Variants in PDE12 observed in about 807,000 individuals in gnomAD.
PDE12 encodes 2',5'-phosphodiesterase 12.
A neutral mutation model predicts 45.4 loss-of-function variants in PDE12; 26 were observed. The ratio of observed to expected loss-of-function variants is 0.57; its 90% CI spans 0.42 to 0.79. PDE12 has a LOEUF of 0.79. Among genes scored for constraint, PDE12 ranks in the 30% least tolerant of loss-of-function variants. The pLI is 0.00. For missense variants in PDE12, 668 were observed against 790.0 expected (o/e 0.85, Z 1.85); for synonymous variants, 283 against 323.9 (o/e 0.87, Z 1.36).
downstream of PDE12, among the ~76,000 whole-genome samples, chr3:57,567,384 C>G (rs1050336438): frequency 1.3e-5 from 2 of 152,058 alleles, no homozygotes; most frequent in Non-Finnish European, 2.9e-5. Flanking sequence ...AGGAAGGAAC[C>G]TAACTCCGCT....
At chr3:57,638,005 AC>A in the PDE12 span, among the ~76,000 whole-genome samples, 3 of 151,630 alleles carry the variant, frequency 2.0e-5, no homozygotes, top group Non-Finnish European at 4.4e-5. Context: ...GTGGTGGCGC[AC>A]ACCTGTAATC....
At chr3:57,607,407 T>C in the PDE12 span, among the ~76,000 whole-genome samples, 5 of 151,680 alleles carry the variant, frequency 3.3e-5, no homozygotes, top group East Asian at 9.6e-4. Context: ...CTTTGATGAG[T>C]TGGGAGAAGA....
chr3:57,632,923 C>G, the PDE12 span, among the ~76,000 whole-genome samples: 2 of 152,188 alleles, frequency 1.3e-5, no homozygotes, highest in Non-Finnish European at 2.9e-5. Context: ...CTACTATAAT[C>G]TTCTTTTAAG....
the PDE12 span, chr3:57,572,162 G>T: frequency 1.4e-6 from 2 of 1,464,964 alleles, no homozygotes; most frequent in Non-Finnish European, 1.9e-6. Context: ...GTTGTAACAA[G>T]CCTAGACCAA....
the PDE12 span, among the ~76,000 whole-genome samples, chr3:57,656,387 A>C: frequency 1.3e-5 from 2 of 152,126 alleles, no homozygotes; most frequent in African/African-American, 4.8e-5. Flanking sequence ...ATAGTATTCC[A>C]TGTGCATTCA....
chr3:57,619,104 C>T, the PDE12 span, among the ~76,000 whole-genome samples: 1 of 152,080 alleles, frequency 6.6e-6, no homozygotes, highest in Non-Finnish European at 1.5e-5. Flanking sequence ...AATCCCAGCA[C>T]TTTGAGAGGC....
downstream of PDE12, among the ~76,000 whole-genome samples, chr3:57,568,088 A>AAAAAAT (rs2069802372): frequency 6.6e-6 from 1 of 150,656 alleles, no homozygotes; most frequent in African/African-American, 2.5e-5. Flanking sequence ...AAAAAAAAAA[A>AAAAAAT]AAAAAGTAAA....
chr3:57,631,078 C>G, the PDE12 span: 1 of 1,016,160 alleles, frequency 9.8e-7, no homozygotes, highest in Non-Finnish European at 1.5e-6. Flanking sequence ...ATCATATGCC[C>G]TTTCAATGGA....
At chr3:57,620,368 T>C in the PDE12 span, among the ~76,000 whole-genome samples, 1 of 151,656 alleles carries the variant, frequency 6.6e-6, no homozygotes, top group East Asian at 1.9e-4. Flanking sequence ...CTCAGCAACA[T>C]GGCAGAATCC....
chr3:57,601,743 C>CTTTT, the PDE12 span, among the ~76,000 whole-genome samples: 34 of 103,730 alleles, frequency 3.3e-4, no homozygotes, highest in Non-Finnish European at 3.9e-4. Context: ...TTCTTTCCTT[C>CTTTT]TTTTTTTTTT....
At chr3:57,575,195 T>C in the PDE12 span, among the ~76,000 whole-genome samples, 1 of 152,006 alleles carries the variant, frequency 6.6e-6, no homozygotes, top group Admixed American at 6.6e-5. Context: ...TACTGGACCC[T>C]TAATAAGAAA....
chr3:57,621,265 A>G, the PDE12 span, among the ~76,000 whole-genome samples: 1 of 152,260 alleles, frequency 6.6e-6, no homozygotes. Flanking sequence ...TGCTGGGACA[A>G]TTGGATATTC....
the PDE12 span, among the ~76,000 whole-genome samples, chr3:57,601,735 C>T: frequency 9.3e-4 from 131 of 141,238 alleles, no homozygotes; most frequent in Non-Finnish European, 1.7e-3. Flanking sequence ...TTCCTTTTTT[C>T]TTTCCTTCTT....
chr3:57,587,266 C>G, the PDE12 span, among the ~76,000 whole-genome samples: 1 of 148,718 alleles, frequency 6.7e-6, no homozygotes, highest in Admixed American at 6.9e-5. Flanking sequence ...TTGCAGTGAG[C>G]CGAGATCGTG....
chr3:57,576,016 TC>T, the PDE12 span, among the ~76,000 whole-genome samples: 1 of 152,208 alleles, frequency 6.6e-6, no homozygotes, highest in South Asian at 2.1e-4. Context: ...TATGGCAGGT[TC>T]TTATGGTACT....
At chr3:57,623,883 A>G in the PDE12 span, among the ~76,000 whole-genome samples, 1 of 152,226 alleles carries the variant, frequency 6.6e-6, no homozygotes. Flanking sequence ...TAATGATGAC[A>G]AGAATGGGGA....
At chr3:57,600,224 T>C in the PDE12 span, 125,973 of 152,082 alleles carry the variant, frequency 0.83, 52,466 homozygotes, top group East Asian at 1. Context: ...AGGGTTTTGC[T>C]ATGTTGCCAA....
At chr3:57,637,104 C>G in the PDE12 span, among the ~76,000 whole-genome samples, 1 of 152,094 alleles carries the variant, frequency 6.6e-6, no homozygotes, top group Non-Finnish European at 1.5e-5. Context: ...GTCTCTGGTC[C>G]AAGAATACTG....
In PDE12 at chr3:57,556,345, C is replaced by T. The variant is rs749572494; in HGVS notation, c.-35C>T. ...CACCTGACAGTAGGCCGCTGATCGG[C>T]CGCGGGTCTTGTCGACCGCTAGGCC... On this transcript the variant is annotated 5_prime_UTR_variant, in exon 1 of 3. Coordinates refer to ENST00000311180, the MANE Select transcript of PDE12 (RefSeq NM_177966.7). This position sits in a 1 kb window ranked among gnomAD's most constrained non-coding sequence, Gnocchi z 5.0. 2 of 1,521,988 alleles carry T rather than the reference C, an allele frequency of 1.3e-6. No individual in the cohort carries two copies. Among genetic ancestry groups the T allele is most frequent in the Non-Finnish European group, 1.8e-6 (2 of 1,133,330 alleles). The allele number at this position is 1,521,988 out of a possible 1,614,324, so 94.3% of individuals were successfully genotyped here.
Sources: gnomAD v4.1 joint callset for allele counts (sites outside exome capture counted in the v4.1 genomes callset) on GRCh38, gnomAD v4.1.1 for gene constraint, Gnocchi (gnomAD v3.1) non-coding constraint, MANE v1.5 for transcripts, NCBI Gene and HGNC (gene_info 2026-07-23, HGNC 2026-07-21) for gene names.